The following ATXN10 variants were observed in gnomAD, a reference collection of about 807,000 sequenced individuals.
The protein encoded by ATXN10 is ataxin-10.
ATXN10 carries 28 observed loss-of-function variants against 52.9 expected under a neutral mutation model. The observed-to-expected ratio is 0.53, with a 90% CI of 0.39 to 0.73. The LOEUF (loss-of-function observed/expected upper bound fraction) is 0.73, where lower values mean the gene tolerates loss of function less well. ATXN10 is among the 30% of genes least tolerant of loss of function. The pLI is 0.00. For synonymous variants in ATXN10, 226 were observed against 221.5 expected (o/e 1.02, Z -0.18); for missense variants, 565 against 577.0 (o/e 0.98, Z 0.21).
Position 45,837,641 on chromosome 22 carries a change from G to A in ATXN10, c.1238-5350G>A, listed in dbSNP as rs976879247. 5.9e-5 allele frequency among the ~76,000 whole-genome samples: 9 copies of A among 152,222 alleles called. No individual in the cohort carries two copies. The highest frequency in any genetic ancestry group is 1.3e-4 in the Non-Finnish European group (9 of 68,036). On this transcript the variant is annotated intron_variant, in intron 10 of 11. Transcript: ENST00000252934. This position sits in a 1 kb window ranked among gnomAD's most constrained non-coding sequence, Gnocchi z 5.8. The stretch of plus-strand genomic sequence containing the variant: ...GAAGTTGGCACACCTTTTCTGTGAA[G>A]GGCCACATAGTAAATATTTTGGCTT...
intron 9 of ATXN10, among the ~76,000 whole-genome samples, chr22:45,782,079 G>C (rs554827760): frequency 2.0e-5 from 3 of 152,360 alleles, no homozygotes; most frequent in African/African-American, 7.2e-5. Flanking sequence ...AGTGGATCGA[G>C]TTTCCTTGGT....
At chr22:45,747,109 A>G (rs556254554) in intron 9 of ATXN10, among the ~76,000 whole-genome samples, 3 of 152,202 alleles carry the variant, frequency 2.0e-5, no homozygotes, top group East Asian at 3.9e-4. Context: ...TCTGGATGAT[A>G]ATGGCTTAAT....
rs189997825 is a variant in ATXN10, at chr22:45,836,014, G to C, written c.1238-6977G>C. On this transcript the variant is annotated intron_variant, in intron 10 of 11. Coordinates refer to ENST00000252934, the MANE Select transcript of ATXN10 (RefSeq NM_013236.4). Reference sequence around the variant, plus strand: ...GAAACCTTTGAAGCACAGATGTTCTGTCGTATTAAAATATAAAAACTCAGA... The same window carrying C: ...GAAACCTTTGAAGCACAGATGTTCTCTCGTATTAAAATATAAAAACTCAGA... Among the ~76,000 whole-genome samples the C allele has an allele frequency of 1.3e-4, 20 of 152,298 alleles. 1 individual carries two copies. The highest frequency in any genetic ancestry group is 1.1e-3 in the Admixed American group (17 of 15,304).
intron 6 of ATXN10, among the ~76,000 whole-genome samples, chr22:45,721,454 A>G (rs974153842): frequency 6.6e-6 from 1 of 152,236 alleles, no homozygotes; most frequent in Admixed American, 6.5e-5. Flanking sequence ...AGTGCCTGGC[A>G]TGTAATGGTC....
Position 45,702,694 on chromosome 22 carries a change from G to C in ATXN10, c.494G>C (p.Cys165Ser). The C allele has an allele frequency of 1.2e-6, 2 of 1,613,830 alleles. No homozygotes were observed. The highest frequency in any genetic ancestry group is 1.7e-6 in the Non-Finnish European group (2 of 1,179,882). Residue 165 changes from cysteine (C) to serine (S), a missense_variant, in exon 5 of 12, where the codon TGC becomes TCC. Coordinates refer to ENST00000252934, the MANE Select transcript of ATXN10 (RefSeq NM_013236.4). ...CTCATTTCCTTGTTTGGAAGGTCTT[G>C]CTTAAATCATCCGGACAAAAAAATT... ...VHAFPELFLSCLNHPDKKIVA... is the reference protein window; with the variant it reads ...VHAFPELFLSSLNHPDKKIVA...
intron 1 of ATXN10, among the ~76,000 whole-genome samples, chr22:45,687,950 G>A (rs896928484): frequency 6.6e-5 from 10 of 152,054 alleles, no homozygotes; most frequent in Non-Finnish European, 1.2e-4. Context: ...CCAGCTACTC[G>A]GGAGGCTGAG....
At chr22:45,682,066 C>A (rs965033854) in intron 1 of ATXN10, among the ~76,000 whole-genome samples, 40 of 152,234 alleles carry the variant, frequency 2.6e-4, no homozygotes, top group Admixed American at 2.0e-3. Context: ...TTCTCTCCCC[C>A]CTTAAAAATC....
chr22:45,791,240 A>G (rs954136996), intron 9 of ATXN10, among the ~76,000 whole-genome samples: 5 of 152,168 alleles, frequency 3.3e-5, no homozygotes, highest in African/African-American at 9.7e-5. Flanking sequence ...TTTTTACATC[A>G]TTCTAGTTCC....
At position 45,775,311 on chromosome 22, in the gene ATXN10, T is replaced by G. The variant is rs201692710; in HGVS notation, c.1174-31648T>G. Among the ~76,000 whole-genome samples, 12 of 152,120 alleles carry G rather than the reference T, an allele frequency of 7.9e-5. No individual in the cohort carries two copies. Among genetic ancestry groups the G allele is most frequent in the Non-Finnish European group, 1.5e-5 (1 of 68,034 alleles). The stretch of plus-strand genomic sequence containing the variant: ...CTGTGTTCACATCTGGACCTCAACA[T>G]AGGGCCTGTTAGCTGAGGTGCACCC... On this transcript the variant is annotated intron_variant, in intron 9 of 11. Coordinates refer to ENST00000252934, the MANE Select transcript of ATXN10 (RefSeq NM_013236.4). This position sits in a 1 kb window ranked among gnomAD's most constrained non-coding sequence, Gnocchi z 4.7.
At position 45,766,702 on chromosome 22, in the gene ATXN10, C is replaced by T. The variant is rs1216770362; in HGVS notation, c.1173+26164C>T. Among the ~76,000 whole-genome samples, 1 of 151,312 alleles carries T rather than the reference C, an allele frequency of 6.6e-6. No homozygotes were observed. The highest frequency in any genetic ancestry group is 1.9e-4 in the East Asian group (1 of 5,180). ...AGTACATTTTTAAAAAGTTGGATGACAAGAAGCAAATAAGCACATAAAATG... is the reference window on the plus strand; with the variant it reads ...AGTACATTTTTAAAAAGTTGGATGATAAGAAGCAAATAAGCACATAAAATG... On this transcript the variant is annotated intron_variant, in intron 9 of 11. Transcript: ENST00000252934. The surrounding 1 kb of genome is among the most constrained non-coding windows in gnomAD (Gnocchi z 4.6).
intron 10 of ATXN10, among the ~76,000 whole-genome samples, chr22:45,838,444 T>C (rs1476291117): frequency 2.0e-5 from 3 of 152,200 alleles, no homozygotes; most frequent in African/African-American, 7.2e-5. Context: ...TCAAGGCAGT[T>C]TTGCAACAAA....
chr22:45,724,223 A>G (rs1224341083), intron 6 of ATXN10, among the ~76,000 whole-genome samples: 1 of 152,128 alleles, frequency 6.6e-6, no homozygotes. Context: ...GTCTACTTTT[A>G]GTTCTTTGAG....
intron 3 of ATXN10, 38 bp from the exon 4 acceptor site, chr22:45,700,244 C>A: frequency 1.6e-6 from 2 of 1,286,202 alleles, no homozygotes; most frequent in South Asian, 1.3e-5. Context: ...TGTGTTTAAT[C>A]ATTTATTTAT....
chr22:45,731,808 C>A (rs1285554937), intron 7 of ATXN10, among the ~76,000 whole-genome samples: 7 of 152,114 alleles, frequency 4.6e-5, no homozygotes, highest in Admixed American at 4.6e-4. Flanking sequence ...TCATATAGAC[C>A]ATGTTAGATC....
At chr22:45,810,648 T>G (rs188024396) in intron 10 of ATXN10, among the ~76,000 whole-genome samples, 1 of 152,388 alleles carries the variant, frequency 6.6e-6, no homozygotes, top group Non-Finnish European at 1.5e-5. Context: ...TATTTAGGAT[T>G]ATTAATTTTC....
intron 9 of ATXN10, among the ~76,000 whole-genome samples, chr22:45,797,458 C>G (rs1280307471): frequency 6.6e-6 from 1 of 152,066 alleles, no homozygotes; most frequent in African/African-American, 2.4e-5. Context: ...TCTAAATAAC[C>G]CACATGTCAT....
chr22:45,789,658 A>C lies in ATXN10; in HGVS notation c.1174-17301A>C, dbSNP rs969114923. Among the ~76,000 whole-genome samples, 2 of 152,228 alleles carry C rather than the reference A, an allele frequency of 1.3e-5. No individual in the cohort carries two copies. The highest frequency in any genetic ancestry group is 2.9e-5 in the Non-Finnish European group (2 of 68,042). The stretch of plus-strand genomic sequence containing the variant: ...GAAGAGAGGGAGAGCCTTCTAACCC[A>C]TCCAGCCCCTTTGTGGTGGTGGTGG... On this transcript the variant is annotated intron_variant, in intron 9 of 11. Transcript: ENST00000252934. This position sits in a 1 kb window ranked among gnomAD's most constrained non-coding sequence, Gnocchi z 4.0.
chr22:45,835,481 T>C lies in ATXN10; in HGVS notation c.1238-7510T>C, dbSNP rs1929136761. The stretch of plus-strand genomic sequence containing the variant: ...ATCTCCCCTCTCCCTTTGCAATTTA[T>C]GGAAAGTACATTGTGCCAAGCAAGG... On this transcript the variant is annotated intron_variant, in intron 10 of 11. Coordinates refer to ENST00000252934, the MANE Select transcript of ATXN10 (RefSeq NM_013236.4). This position sits in a 1 kb window ranked among gnomAD's most constrained non-coding sequence, Gnocchi z 5.0. 6.6e-6 allele frequency among the ~76,000 whole-genome samples: 1 copy of C among 152,208 alleles called. No homozygotes were observed. The highest frequency in any genetic ancestry group is 6.5e-5 in the Admixed American group (1 of 15,274).
At position 45,842,405 on chromosome 22, in the gene ATXN10, A is replaced by C. The variant is rs1353973535; in HGVS notation, c.1238-586A>C. Among the ~76,000 whole-genome samples, 2 of 152,172 alleles carry C rather than the reference A, an allele frequency of 1.3e-5. No homozygotes were observed. Among genetic ancestry groups the C allele is most frequent in the African/African-American group, 4.8e-5 (2 of 41,438 alleles). ...AGGAGCCTGAGTATTCAAACTAAAC[A>C]CAGCAAATCCTTCAAAGCCCTTCCA... On this transcript the variant is annotated intron_variant, in intron 10 of 11. Coordinates refer to ENST00000252934, the MANE Select transcript of ATXN10 (RefSeq NM_013236.4). This position sits in a 1 kb window ranked among gnomAD's most constrained non-coding sequence, Gnocchi z 4.8.
Sources: gnomAD v4.1 joint callset for allele counts (sites outside exome capture counted in the v4.1 genomes callset) on GRCh38, gnomAD v4.1.1 for gene constraint, Gnocchi (gnomAD v3.1) non-coding constraint, MANE v1.5 for transcripts, NCBI Gene and HGNC (gene_info 2026-07-23, HGNC 2026-07-21) for gene names.